The following RANBP3 variants were observed in gnomAD, a reference collection of about 807,000 sequenced individuals.
The protein encoded by RANBP3 is ran-binding protein 3.
A neutral mutation model predicts 77.3 loss-of-function variants in RANBP3; 14 were observed. That is an observed-to-expected ratio of 0.18 (90% CI 0.12 to 0.28). The LOEUF (loss-of-function observed/expected upper bound fraction) is 0.28, where lower values mean the gene tolerates loss of function less well. Among genes scored for constraint, RANBP3 ranks in the 10% least tolerant of loss-of-function variants. The pLI is 1.00. For synonymous variants in RANBP3, 315 were observed against 312.4 expected, an observed-to-expected ratio of 1.01 and a Z score of -0.09; for missense variants, 586 against 752.3, an observed-to-expected ratio of 0.78 and a Z score of 2.59.
intron 1 of RANBP3, among the ~76,000 whole-genome samples, chr19:5,968,210 C>G (rs1299752873): frequency 6.6e-6 from 1 of 152,144 alleles, no homozygotes; most frequent in South Asian, 2.1e-4. Flanking sequence ...CGGAAGCTTA[C>G]AGGAAGGAAA....
At chr19:5,947,432 C>A (rs1417920843) in intron 3 of RANBP3, among the ~76,000 whole-genome samples, 2 of 152,134 alleles carry the variant, frequency 1.3e-5, no homozygotes, top group Non-Finnish European at 2.9e-5. Flanking sequence ...GACATAAGAG[C>A]CCCATTTCCT....
chr19:5,975,645 G>C (rs1434591709), intron 1 of RANBP3, among the ~76,000 whole-genome samples: 4 of 146,920 alleles, frequency 2.7e-5, no homozygotes, highest in Non-Finnish European at 5.9e-5. Context: ...AAACATGCAT[G>C]TAATATCTAG....
At chr19:5,976,757 A>G (rs1264155285) in intron 1 of RANBP3, among the ~76,000 whole-genome samples, 1 of 152,136 alleles carries the variant, frequency 6.6e-6, no homozygotes, top group African/African-American at 2.4e-5. Flanking sequence ...AATAAAATAG[A>G]ATAAAATGGC....
intron 2 of RANBP3, among the ~76,000 whole-genome samples, chr19:5,957,262 G>T (rs1212036857): frequency 6.6e-6 from 1 of 152,172 alleles, no homozygotes; most frequent in East Asian, 1.9e-4. Flanking sequence ...ACCCATCGTT[G>T]TCTTATCACA....
chr19:5,933,540 G>C, intron 5 of RANBP3, 61 bp from the exon 6 acceptor site: 1 of 1,428,468 alleles, frequency 7.0e-7, no homozygotes, highest in East Asian at 2.3e-5. Context: ...GGGCCTGGGG[G>C]GCAAGGGCAG....
At chr19:5,970,673 A>G (rs759125548) in intron 1 of RANBP3, among the ~76,000 whole-genome samples, 1 of 152,194 alleles carries the variant, frequency 6.6e-6, no homozygotes, top group Non-Finnish European at 1.5e-5. Context: ...AAACCCTGGT[A>G]TAACTCACAG....
At chr19:5,923,955 G>A in intron 11 of RANBP3, 41 bp from the exon 12 acceptor site, 1 of 1,490,518 alleles carries the variant, frequency 6.7e-7, no homozygotes, top group South Asian at 1.1e-5. Flanking sequence ...GGGCACTTGT[G>A]TGGTCCTTCA....
At chr19:5,931,237 G>C (rs887331483) in intron 8 of RANBP3, among the ~76,000 whole-genome samples, 167 bp downstream of exon 8, 1 of 152,222 alleles carries the variant, frequency 6.6e-6, no homozygotes, top group African/African-American at 2.4e-5. Flanking sequence ...GTCAGGTACT[G>C]TTATTTAGAG....
At chr19:5,927,810 C>T (rs1401165601) in intron 9 of RANBP3, among the ~76,000 whole-genome samples, 158 bp downstream of exon 9, 3 of 152,198 alleles carry the variant, frequency 2.0e-5, no homozygotes, top group Admixed American at 1.3e-4. Context: ...ACACGCACAC[C>T]AGCAGCAGAC....
In RANBP3 at chr19:5,923,275, G is replaced by A; in HGVS notation, c.1128C>T (p.Tyr376=). Reference sequence around the variant, plus strand: ...AACACTTCCGCGCTGTTGCCTTGGTGTAGGCGGCTGCCGACTCAGCCAGGG... The same window carrying A: ...AACACTTCCGCGCTGTTGCCTTGGTATAGGCGGCTGCCGACTCAGCCAGGG... ...KESLAESAAA[Y]TKATARKCLL... is the part of the protein sequence containing the mutation. Residue 376 remains tyrosine, a synonymous_variant, in exon 13 of 17, where the codon TAC becomes TAT. Coordinates refer to ENST00000340578, the MANE Select transcript of RANBP3 (RefSeq NM_007322.3). The A allele has an allele frequency of 6.2e-7, 1 of 1,614,250 alleles. No homozygotes were observed. The highest frequency in any genetic ancestry group is 8.5e-7 in the Non-Finnish European group (1 of 1,180,046).
chr19:5,948,902 A>G (rs2058241280), intron 3 of RANBP3, among the ~76,000 whole-genome samples: 1 of 152,158 alleles, frequency 6.6e-6, no homozygotes, highest in African/African-American at 2.4e-5. Context: ...TCTCCACATC[A>G]AACAGAGAAC....
intron 1 of RANBP3, among the ~76,000 whole-genome samples, chr19:5,975,669 T>G (rs138629516): frequency 6.9e-6 from 1 of 145,090 alleles, no homozygotes; most frequent in African/African-American, 2.6e-5. Flanking sequence ...GCCGGATTGT[T>G]AAGAGCTATA....
At chr19:5,961,298 C>T (rs999043245) in intron 1 of RANBP3, among the ~76,000 whole-genome samples, 1 of 151,880 alleles carries the variant, frequency 6.6e-6, no homozygotes, top group African/African-American at 2.4e-5. Flanking sequence ...AAAAAATTAG[C>T]CGGGCGTGGT....
chr19:5,942,583 G>A (rs1360009365), intron 3 of RANBP3, among the ~76,000 whole-genome samples: 1 of 151,542 alleles, frequency 6.6e-6, no homozygotes, highest in Non-Finnish European at 1.5e-5. Context: ...GTGCACGCCT[G>A]TAATCTCAGC....
intron 3 of RANBP3, among the ~76,000 whole-genome samples, chr19:5,949,859 G>GC (rs1215910065): frequency 6.6e-6 from 1 of 152,162 alleles, no homozygotes; most frequent in African/African-American, 2.4e-5. Flanking sequence ...ACAGAACAGC[G>GC]CGTGTGCTCT....
intron 1 of RANBP3, chr19:5,962,655 A>AT (rs1399851212): frequency 2.2e-6 from 1 of 455,976 alleles, no homozygotes; most frequent in Non-Finnish European, 4.4e-6. Context: ...TCTGGCATTC[A>AT]TGACTGACCC....
At chr19:5,957,081 G>A (rs1488189568) in intron 2 of RANBP3, among the ~76,000 whole-genome samples, 3 of 152,166 alleles carry the variant, frequency 2.0e-5, no homozygotes, top group Middle Eastern at 3.4e-3. Flanking sequence ...GGGGAGTGCC[G>A]TCGCTGGGCA....
At chr19:5,963,818 C>T (rs2058432331) in intron 1 of RANBP3, among the ~76,000 whole-genome samples, 1 of 152,172 alleles carries the variant, frequency 6.6e-6, no homozygotes, top group Non-Finnish European at 1.5e-5. Flanking sequence ...GGGCACTGTG[C>T]ACCAAGTCCC....
intron 5 of RANBP3, among the ~76,000 whole-genome samples, chr19:5,934,988 G>C (rs2058044576): frequency 1.3e-5 from 2 of 152,216 alleles, no homozygotes; most frequent in African/African-American, 4.8e-5. Context: ...TTGGGGGCAG[G>C]CTGTGACTAA....
Sources: gnomAD v4.1 joint callset for allele counts (sites outside exome capture counted in the v4.1 genomes callset) on GRCh38, gnomAD v4.1.1 for gene constraint, MANE v1.5 for transcripts, NCBI Gene and HGNC (gene_info 2026-07-23, HGNC 2026-07-21) for gene names.